ESRRG: variants seen among roughly 807,000 people sequenced by gnomAD.
The protein encoded by ESRRG is estrogen related receptor gamma, also known as estrogen-related receptor gamma.
A neutral mutation model predicts 44.0 loss-of-function variants in ESRRG; 13 were observed. That is an observed-to-expected ratio of 0.30 (90% CI 0.19 to 0.47). The LOEUF is 0.47. Ranked by LOEUF, ESRRG falls within the 20% of genes least tolerant of loss-of-function variation. The probability of loss-of-function intolerance (pLI) is 1.00; values close to 1 mark genes in which losing one functional copy is unlikely to be tolerated. For synonymous variants in ESRRG, 215 were observed against 214.6 expected, an observed-to-expected ratio of 1.00 and a Z score of -0.02; for missense variants, 395 against 580.6, an observed-to-expected ratio of 0.68 and a Z score of 3.29.
intron 2 of ESRRG, among the ~76,000 whole-genome samples, chr1:216,845,897 C>G (rs2095738095): frequency 6.6e-6 from 1 of 152,128 alleles, no homozygotes; most frequent in African/African-American, 2.4e-5. Context: ...TGTCTCCACT[C>G]CACTCCTCTT....
chr1:216,785,216 G>GT (rs1356532510), intron 2 of ESRRG, among the ~76,000 whole-genome samples: 1 of 152,020 alleles, frequency 6.6e-6, no homozygotes, highest in African/African-American at 2.4e-5. Flanking sequence ...TTGTCACCCT[G>GT]TATTTTTATT....
At chr1:216,824,565 A>G (rs369045500) in intron 2 of ESRRG, among the ~76,000 whole-genome samples, 5 of 152,086 alleles carry the variant, frequency 3.3e-5, no homozygotes, top group African/African-American at 1.2e-4. Context: ...CCTGCAGGGA[A>G]TAGCTTTTGA....
intron 1 of ESRRG, among the ~76,000 whole-genome samples, chr1:217,098,354 C>T (rs1295487605): frequency 1.3e-5 from 2 of 152,092 alleles, no homozygotes; most frequent in South Asian, 2.1e-4. Context: ...TGCTTTAACA[C>T]CTGATTTTAT....
intron 2 of ESRRG, among the ~76,000 whole-genome samples, chr1:216,793,930 A>G (rs2094400204): frequency 6.6e-6 from 1 of 150,836 alleles, no homozygotes; most frequent in Admixed American, 6.6e-5. Flanking sequence ...AATGAAAATT[A>G]CACTTCCAGA....
intron 6 of ESRRG, among the ~76,000 whole-genome samples, chr1:216,515,616 A>T (rs2044020903): frequency 6.6e-6 from 1 of 152,194 alleles, no homozygotes; most frequent in Admixed American, 6.6e-5. Flanking sequence ...TGATATCAAT[A>T]GGTGCTATTA....
At chr1:216,679,574 ATT>A (rs533041062) in intron 1 of ESRRG, among the ~76,000 whole-genome samples, 1 of 151,536 alleles carries the variant, frequency 6.6e-6, no homozygotes, top group African/African-American at 2.4e-5. Context: ...AGCTATGACA[ATT>A]AACTCTTTCA....
chr1:216,644,058 C>A (rs564564011), intron 3 of ESRRG, among the ~76,000 whole-genome samples: 1 of 152,152 alleles, frequency 6.6e-6, no homozygotes, highest in African/African-American at 2.4e-5. Flanking sequence ...CCCATTTCCA[C>A]TTTATCTGCA....
At chr1:216,775,551 C>CTTTTTTTTTTTTTTTTTTTTT (rs71163765) in intron 2 of ESRRG, among the ~76,000 whole-genome samples, 1 of 74,786 alleles carries the variant, frequency 1.3e-5, no homozygotes, top group East Asian at 3.7e-4. Context: ...AATGTCACAT[C>CTTTTTTTTTTTTTTTTTTTTT]TTTTTTTTTT....
intron 5 of ESRRG, 93 bp from the exon 6 acceptor site, chr1:216,519,514 G>T: frequency 8.2e-7 from 1 of 1,226,164 alleles, no homozygotes; most frequent in Non-Finnish European, 1.1e-6. Context: ...CTGCATCAGT[G>T]CTCAAAATTA....
chr1:216,904,679 C>T (rs2059489779), intron 2 of ESRRG, among the ~76,000 whole-genome samples: 2 of 152,132 alleles, frequency 1.3e-5, no homozygotes, highest in African/African-American at 4.8e-5. Flanking sequence ...GACAGCTTTC[C>T]ACCAACAACT....
intron 2 of ESRRG, among the ~76,000 whole-genome samples, chr1:216,818,089 C>T (rs967022621): frequency 1.3e-5 from 2 of 152,104 alleles, no homozygotes; most frequent in Non-Finnish European, 2.9e-5. Context: ...TTCCTCACAC[C>T]TCAAATGAAA....
chr1:217,036,313 A>T (rs997018525), intron 1 of ESRRG, among the ~76,000 whole-genome samples: 1 of 152,208 alleles, frequency 6.6e-6, no homozygotes, highest in African/African-American at 2.4e-5. Context: ...ATTACTTGGT[A>T]TATACCCAAA....
intron 5 of ESRRG, among the ~76,000 whole-genome samples, chr1:216,546,871 A>G (rs879944702): frequency 6.6e-6 from 1 of 151,862 alleles, no homozygotes; most frequent in East Asian, 2.0e-4. Flanking sequence ...TTTGTTATAT[A>G]GGTATACATG....
intron 2 of ESRRG, among the ~76,000 whole-genome samples, chr1:216,822,068 A>G (rs2095309619): frequency 2.0e-5 from 3 of 152,138 alleles, no homozygotes; most frequent in Admixed American, 2.0e-4. Context: ...ATGATAAATC[A>G]CAGTATCTCA....
intron 2 of ESRRG, among the ~76,000 whole-genome samples, chr1:216,764,140 C>G (rs1053678491): frequency 6.6e-6 from 1 of 151,872 alleles, no homozygotes; most frequent in Non-Finnish European, 1.5e-5. Context: ...TGGATTAAAT[C>G]TGCAAATCTG....
In ESRRG at chr1:216,637,156, G is replaced by A. The variant is rs74731012; in HGVS notation, c.589+13817C>T. Among the ~76,000 whole-genome samples the A allele has an allele frequency of 1.5e-3, 230 of 152,234 alleles. 7 individuals carry two copies. The East Asian group carries it at 0.042, about 28-fold the overall frequency. ...CCTGGACAGCCTCTCGGGGACAGAC[G>A]CTGGGCAATGGCAGAACCTCTTCTG... On this transcript the variant is annotated intron_variant, in intron 3 of 6. Coordinates refer to ENST00000408911, the MANE Select transcript of ESRRG (RefSeq NM_001438.4).
intron 1 of ESRRG, among the ~76,000 whole-genome samples, chr1:217,001,629 C>G (rs187548630): frequency 2.4e-4 from 37 of 152,146 alleles, no homozygotes; most frequent in East Asian, 1.9e-3. Flanking sequence ...AATGCAAAAA[C>G]CCTAAGATAA....
intron 6 of ESRRG, among the ~76,000 whole-genome samples, chr1:216,510,472 T>C (rs1454200716): frequency 6.6e-6 from 1 of 152,202 alleles, no homozygotes; most frequent in Non-Finnish European, 1.5e-5. Flanking sequence ...TTTGGGAAGA[T>C]AGCTAAATAT....
chr1:216,672,670 C>T (rs1404841988), intron 2 of ESRRG, among the ~76,000 whole-genome samples: 1 of 152,042 alleles, frequency 6.6e-6, no homozygotes, highest in Non-Finnish European at 1.5e-5. Context: ...GAGTTTGAGA[C>T]CAGCCTGGGC....
Sources: gnomAD v4.1 joint callset for allele counts (sites outside exome capture counted in the v4.1 genomes callset) on GRCh38, gnomAD v4.1.1 for gene constraint, MANE v1.5 for transcripts, NCBI Gene and HGNC (gene_info 2026-07-23, HGNC 2026-07-21) for gene names.